PIGX: variants seen among roughly 807,000 people sequenced by gnomAD.
PIGX encodes the protein GPI alpha-1,4-mannosyltransferase I, stabilizing subunit.
Under a neutral mutation model 28.7 loss-of-function variants are expected in PIGX, and 24 were observed. The ratio of observed to expected loss-of-function variants is 0.84; its 90% CI spans 0.60 to 1.17. PIGX has a LOEUF of 1.17. Among genes scored for constraint, PIGX ranks in the 50% most tolerant of loss-of-function variants. PIGX has a pLI of 0.00. For missense variants in PIGX, 305 were observed against 317.8 expected (o/e 0.96, Z 0.31); for synonymous variants, 127 against 121.0 (o/e 1.05, Z -0.33).
At position 196,732,266 on chromosome 3, in the gene PIGX, AT is replaced by A. The variant is rs1441067545; in HGVS notation, c.633+1178del. 6.0e-3 allele frequency among the ~76,000 whole-genome samples: 247 copies of A among 40,904 alleles called. 15 individuals are homozygous for A. Among genetic ancestry groups the A allele is most frequent in the African/African-American group, 0.027 (239 of 8,970 alleles). The allele number at this position is 40,904 out of a possible 152,430, so 26.8% of individuals were successfully genotyped here. A position where few individuals can be genotyped will look rare whatever the true frequency, so the allele number is the denominator to read the frequency against. On this transcript the variant is annotated intron_variant, in intron 5 of 5. Coordinates refer to ENST00000392391, the MANE Select transcript of PIGX (RefSeq NM_017861.4). Reference sequence around the variant, plus strand: ...TATATATATATATATATTTTATTTTATTTTATTTTTTTTTTTATTTTATTTT... The same window carrying A: ...TATATATATATATATATTTTATTTTATTTATTTTTTTTTTTATTTTATTTT...
chr3:196,727,248 T>C (rs1712559243), intron 3 of PIGX, among the ~76,000 whole-genome samples: 1 of 152,238 alleles, frequency 6.6e-6, no homozygotes, highest in African/African-American at 2.4e-5. Context: ...TGTATGTATA[T>C]GTGGATATAT....
intron 3 of PIGX, among the ~76,000 whole-genome samples, chr3:196,724,070 T>C (rs1213608140): frequency 1.3e-5 from 2 of 148,810 alleles, no homozygotes; most frequent in Non-Finnish European, 3.0e-5. Flanking sequence ...TAGGCTGGAG[T>C]GCGGTGGCAC....
At position 196,714,479 on chromosome 3, in the gene PIGX, T is replaced by TA. The variant is rs1208205164; in HGVS notation, c.112+1835_112+1836insA. ...GCCCTGTCTCTTTTTTTTTTTTTTT[T>TA]TTTGAGACGGAGTCTTGCTCTCTTG... On this transcript the variant is annotated intron_variant, in intron 1 of 5. Transcript: ENST00000392391. Among the ~76,000 whole-genome samples the TA allele has an allele frequency of 7.8e-3, 1,163 of 149,304 alleles. 11 individuals are homozygous for TA. Among genetic ancestry groups the TA allele is most frequent in the African/African-American group, 0.027 (1,109 of 40,448 alleles).
chr3:196,728,094 A>G lies in PIGX; in HGVS notation c.490A>G (p.Ile164Val). ...GCACAGTGAAGATGGAGAAGCCTCG[A>G]TTGTGGTCAATAACCCAGATTTGTT... Residue 164 changes from isoleucine to valine, a missense_variant, in exon 4 of 6, where the codon ATT (isoleucine) becomes GTT (valine). Physicochemically the swap from Ile to Val is conservative, Grantham distance 29. Coordinates refer to ENST00000392391, the MANE Select transcript of PIGX (RefSeq NM_017861.4). The G allele has an allele frequency of 6.2e-7, 1 of 1,614,148 alleles. No individual in the cohort carries two copies. Among genetic ancestry groups the G allele is most frequent in the Non-Finnish European group, 8.5e-7 (1 of 1,180,008 alleles).
intron 1 of PIGX, among the ~76,000 whole-genome samples, chr3:196,714,219 A>T (rs1170396284): frequency 6.6e-6 from 1 of 152,184 alleles, no homozygotes; most frequent in African/African-American, 2.4e-5. Context: ...ATTCTAACAC[A>T]TTGGGAGGCT....
At chr3:196,732,266 ATTT>A (rs1441067545) in intron 5 of PIGX, among the ~76,000 whole-genome samples, 1 of 40,918 alleles carries the variant, frequency 2.4e-5, no homozygotes, top group African/African-American at 1.1e-4. Flanking sequence ...ATTTTATTTT[ATTT>A]TATTTTTTTT....
intron 1 of PIGX, chr3:196,713,033 C>T: frequency 1.0e-6 from 1 of 987,196 alleles, no homozygotes; most frequent in Non-Finnish European, 1.2e-6. Flanking sequence ...TGTAGGACTC[C>T]GTGGCAAACT....
intron 5 of PIGX, among the ~76,000 whole-genome samples, chr3:196,731,869 C>G (rs1279028684): frequency 6.6e-6 from 1 of 152,028 alleles, no homozygotes; most frequent in Non-Finnish European, 1.5e-5. Flanking sequence ...CTCTGTTGCC[C>G]AGGCTGGAGT....
At chr3:196,731,180 C>A in intron 5 of PIGX, 88 bp downstream of exon 5, 3 of 664,362 alleles carry the variant, frequency 4.5e-6, no homozygotes, top group Non-Finnish European at 7.4e-6. Context: ...AAGAGATTAG[C>A]ATTTTTTTTT....
At chr3:196,729,692 A>G (rs1435441384) in intron 4 of PIGX, among the ~76,000 whole-genome samples, 1 of 150,310 alleles carries the variant, frequency 6.7e-6, no homozygotes, top group African/African-American at 2.4e-5. Context: ...TGGCCAAGAC[A>G]TTTTCTTTAG....
intron 1 of PIGX, chr3:196,713,174 T>A (rs1711908077): frequency 1.3e-6 from 1 of 779,540 alleles, no homozygotes; most frequent in Non-Finnish European, 1.6e-6. Flanking sequence ...TCTCCATCTG[T>A]AAAATGAGGA....
rs1712595519 is a variant in PIGX, at chr3:196,728,046, G to A, written c.442G>A (p.Val148Met). ...TGACTGTTTTCAAGCCTTTTTGCCT[G>A]TGCACTGCCGCTATCATCGGCCGCA... is the stretch of plus-strand genomic sequence containing the variant. Residue 148 changes from valine (V) to methionine (M), a missense_variant, in exon 4 of 6, where the codon GTG becomes ATG. Transcript: ENST00000392391. The A allele has an allele frequency of 1.2e-6, 2 of 1,614,098 alleles. No homozygotes were observed. The highest frequency in any genetic ancestry group is 2.2e-5 in the South Asian group (2 of 91,084).
chr3:196,712,408 C>G lies in PIGX; in HGVS notation c.-125C>G, dbSNP rs1711851087. 2.6e-6 allele frequency: 1 copy of G among 380,126 alleles called. No homozygotes were observed. The highest frequency in any genetic ancestry group is 4.0e-6 in the Non-Finnish European group (1 of 248,094). 23.5% of individuals were successfully genotyped at this position (380,126 alleles called of 1,614,324 possible). A position where few individuals can be genotyped will look rare whatever the true frequency, so the allele number is the denominator to read the frequency against. ...GAACCGCGGGCGCTAGGCGCGCGCACCCAGCACTCGGTCCCAGCCGATAAA... is the reference window on the plus strand; with the variant it reads ...GAACCGCGGGCGCTAGGCGCGCGCAGCCAGCACTCGGTCCCAGCCGATAAA... On this transcript the variant is annotated 5_prime_UTR_variant, in exon 1 of 6. Transcript: ENST00000392391.
chr3:196,727,892 CTTGA>C (rs1395756768), intron 3 of PIGX, 27 bp from the exon 4 acceptor site: 11 of 1,414,106 alleles, frequency 7.8e-6, no homozygotes, highest in Non-Finnish European at 1.1e-5. Flanking sequence ...TTCATTTCTT[CTTGA>C]TTAATATTTA....
rs1001427519 is a variant in PIGX at position 196,734,931 on chromosome 3, A to C, written c.*1029A>C. The C allele has an allele frequency of 3.9e-5, 6 of 152,156 alleles. No homozygotes were observed. The highest frequency in any genetic ancestry group is 8.8e-5 in the Non-Finnish European group (6 of 68,020). The allele number at this position is 152,156 out of a possible 1,614,324, so 9.4% of individuals were successfully genotyped here. ...AATCATCAGGTAATTTTTTTAAACA[A>C]AGGTTCTTCATTTACTGTTATGATT... On this transcript the variant is annotated 3_prime_UTR_variant, in exon 6 of 6. Coordinates refer to ENST00000392391, the MANE Select transcript of PIGX (RefSeq NM_017861.4).
chr3:196,721,115 C>A, intron 2 of PIGX: 1 of 296,398 alleles, frequency 3.4e-6, no homozygotes, highest in Non-Finnish European at 6.5e-6. Context: ...TTATGAAATT[C>A]AGAAAGTGTT....
intron 4 of PIGX, chr3:196,728,626 T>A: frequency 1.3e-6 from 1 of 763,236 alleles, no homozygotes; most frequent in Non-Finnish European, 2.4e-6. Flanking sequence ...CCATTTGACC[T>A]GTAGTTGGTC....
intron 4 of PIGX, 169 bp downstream of exon 4, chr3:196,728,305 A>G (rs1368237435): frequency 1.7e-6 from 1 of 602,730 alleles, no homozygotes. Context: ...ATTTGAGTAG[A>G]TTTTTATGTG....
intron 2 of PIGX, chr3:196,717,769 A>G (rs1441904943): frequency 6.6e-6 from 1 of 152,198 alleles, no homozygotes; most frequent in East Asian, 1.9e-4. Flanking sequence ...CATCTCAAGT[A>G]CTATGATACA....
Sources: allele counts gnomAD v4.1 joint callset (sites outside exome capture counted in the v4.1 genomes callset), GRCh38; gene constraint gnomAD v4.1.1; transcripts MANE v1.5; gene names NCBI Gene and HGNC (gene_info 2026-07-23, HGNC 2026-07-21).